The following PDE4D variants were observed in gnomAD, a reference collection of about 807,000 sequenced individuals.
The protein encoded by PDE4D is phosphodiesterase 4D.
In PDE4D, 24 loss-of-function variants were observed where a neutral mutation model predicts 87.4. The ratio of observed to expected loss-of-function variants is 0.27; its 90% CI spans 0.20 to 0.39. PDE4D has a LOEUF of 0.39. PDE4D is among the 10% of genes least tolerant of loss of function. The pLI, the probability that PDE4D is intolerant of heterozygous loss-of-function variation, is 1.00. For synonymous variants in PDE4D, 384 were observed against 383.2 expected, an observed-to-expected ratio of 1.00 and a Z score of -0.02; for missense variants, 714 against 1,041.0, an observed-to-expected ratio of 0.69 and a Z score of 4.32.
intron 5 of PDE4D, among the ~76,000 whole-genome samples, chr5:59,071,334 C>T (rs1271355188): frequency 2.6e-5 from 4 of 151,974 alleles, no homozygotes; most frequent in Non-Finnish European, 5.9e-5. Flanking sequence ...GCAGTTTTCT[C>T]TTTTTTCTAG....
At chr5:59,702,516 T>G (rs1752729940) in intron 1 of PDE4D, among the ~76,000 whole-genome samples, 1 of 152,140 alleles carries the variant, frequency 6.6e-6, no homozygotes, top group South Asian at 2.1e-4. Flanking sequence ...ATCATGCAAC[T>G]GCACTCCAGC....
intron 1 of PDE4D, among the ~76,000 whole-genome samples, chr5:60,322,388 AC>A (rs2149843246): frequency 6.6e-6 from 1 of 150,748 alleles, no homozygotes; most frequent in Admixed American, 6.7e-5. Flanking sequence ...ACACACACAC[AC>A]ACACACACAC....
chr5:59,430,413 A>G, intron 1 of PDE4D: 1 of 1,231,108 alleles, frequency 8.1e-7, no homozygotes, highest in Non-Finnish European at 1.0e-6. Flanking sequence ...TGCTTGGCAA[A>G]CTCATTATAT....
intron 11 of PDE4D, among the ~76,000 whole-genome samples, chr5:58,985,518 A>T (rs571296640): frequency 6.6e-6 from 1 of 152,342 alleles, no homozygotes; most frequent in South Asian, 2.1e-4. Context: ...CAGCCAAGGG[A>T]ATCCCCAGCG....
chr5:59,846,426 T>C (rs2152712943), intron 1 of PDE4D, among the ~76,000 whole-genome samples: 1 of 152,212 alleles, frequency 6.6e-6, no homozygotes, highest in Middle Eastern at 3.4e-3. Flanking sequence ...CTTGTGTTAA[T>C]GTTCCTATTC....
At chr5:60,251,631 A>G (rs4404639) in intron 1 of PDE4D, among the ~76,000 whole-genome samples, 64,604 of 151,648 alleles carry the variant, frequency 0.43, 14,797 homozygotes, top group African/African-American at 0.57. Context: ...ATTTAGGTTG[A>G]TTCCATATCT....
intron 2 of PDE4D, among the ~76,000 whole-genome samples, chr5:60,146,209 A>G (rs1275773686): frequency 2.6e-5 from 4 of 152,218 alleles, no homozygotes; most frequent in Non-Finnish European, 5.9e-5. Context: ...GTGAGACTCC[A>G]TCTCAAAAAC....
intron 1 of PDE4D, among the ~76,000 whole-genome samples, chr5:60,337,945 G>A (rs1170734999): frequency 2.0e-5 from 3 of 151,962 alleles, no homozygotes; most frequent in African/African-American, 7.3e-5. Flanking sequence ...GACATACAAT[G>A]TAAAAAAAAT....
intron 3 of PDE4D, among the ~76,000 whole-genome samples, chr5:59,918,395 C>T (rs1754305244): frequency 6.6e-6 from 1 of 152,110 alleles, no homozygotes; most frequent in African/African-American, 2.4e-5. Flanking sequence ...TGGGATGTGG[C>T]AGACAGATAT....
At chr5:59,711,655 A>C (rs987157936) in intron 1 of PDE4D, among the ~76,000 whole-genome samples, 5 of 152,174 alleles carry the variant, frequency 3.3e-5, no homozygotes, top group African/African-American at 7.2e-5. Flanking sequence ...GTCTAATACA[A>C]GATCTGCTCT....
chr5:59,189,758 A>G (rs1342637096), intron 3 of PDE4D, among the ~76,000 whole-genome samples: 1 of 152,210 alleles, frequency 6.6e-6, no homozygotes, highest in Non-Finnish European at 1.5e-5. Context: ...CAACACAAAC[A>G]CAAGAGAATA....
At chr5:59,783,102 C>T (rs1212862270) in intron 1 of PDE4D, among the ~76,000 whole-genome samples, 1 of 152,200 alleles carries the variant, frequency 6.6e-6, no homozygotes, top group East Asian at 1.9e-4. Flanking sequence ...GAACACATCA[C>T]AGAAACTAAA....
chr5:60,269,989 G>T (rs920251238), intron 1 of PDE4D, among the ~76,000 whole-genome samples: 2 of 152,180 alleles, frequency 1.3e-5, no homozygotes, highest in Non-Finnish European at 2.9e-5. Context: ...TGAACCAGGG[G>T]AGAGACAGTG....
chr5:59,861,136 G>A (rs1260325189), intron 1 of PDE4D, among the ~76,000 whole-genome samples: 3 of 151,758 alleles, frequency 2.0e-5, no homozygotes, highest in Non-Finnish European at 4.4e-5. Flanking sequence ...CTCCCAAAGT[G>A]CTGGGATTAC....
chr5:59,291,549 T>C (rs763250383), intron 1 of PDE4D, among the ~76,000 whole-genome samples: 8 of 151,962 alleles, frequency 5.3e-5, no homozygotes, highest in Admixed American at 1.3e-4. Flanking sequence ...CAATTTATTG[T>C]ATGTTTTTTA....
At chr5:59,471,788 T>A (rs919558193) in intron 1 of PDE4D, among the ~76,000 whole-genome samples, 1 of 152,226 alleles carries the variant, frequency 6.6e-6, no homozygotes, top group Admixed American at 6.5e-5. Flanking sequence ...TAGAGTGTTG[T>A]CTTTTTGTTT....
chr5:60,296,734 A>T (rs539080156), intron 1 of PDE4D, among the ~76,000 whole-genome samples: 1 of 152,334 alleles, frequency 6.6e-6, no homozygotes, highest in South Asian at 2.1e-4. Context: ...AAAATGTGGC[A>T]CATATACCAT....
intron 1 of PDE4D, chr5:59,768,691 C>T: frequency 1.4e-6 from 2 of 1,434,330 alleles, no homozygotes; most frequent in South Asian, 2.9e-5. Flanking sequence ...CACTCCTCCG[C>T]GGAAGCGTAT....
intron 1 of PDE4D, among the ~76,000 whole-genome samples, chr5:59,625,324 A>G (rs544455422): frequency 6.6e-6 from 1 of 152,260 alleles, no homozygotes; most frequent in African/African-American, 2.4e-5. Context: ...AGGGATTTCT[A>G]TCCTATAATT....
Sources: allele counts gnomAD v4.1 joint callset (sites outside exome capture counted in the v4.1 genomes callset), GRCh38; gene constraint gnomAD v4.1.1; transcripts MANE v1.5; gene names NCBI Gene and HGNC (gene_info 2026-07-23, HGNC 2026-07-21).